The following FIP1L1 variants were observed in gnomAD, a reference collection of about 807,000 sequenced individuals.
FIP1L1 encodes factor interacting with PAPOLA and CPSF1.
FIP1L1 carries 21 observed loss-of-function variants against 84.6 expected under a neutral mutation model. That is an observed-to-expected ratio of 0.25 (90% confidence interval 0.18 to 0.36). FIP1L1 has a LOEUF of 0.36. FIP1L1 is among the 10% of genes least tolerant of loss of function. The pLI is 1.00. For missense variants in FIP1L1, 526 were observed against 751.1 expected (o/e 0.70, Z 3.50); for synonymous variants, 263 against 242.3 (o/e 1.09, Z -0.80).
chr4:53,403,196 ATT>A (rs1169695050), intron 10 of FIP1L1, among the ~76,000 whole-genome samples: 1 of 152,056 alleles, frequency 6.6e-6, no homozygotes, highest in African/African-American at 2.4e-5. Context: ...GAATTACAGT[ATT>A]TTTATATGCT....
At chr4:53,440,801 A>G (rs1281199674) in intron 13 of FIP1L1, 2 of 532,284 alleles carry the variant, frequency 3.8e-6, no homozygotes, top group Admixed American at 7.0e-5. Context: ...TACCTGTCTT[A>G]CCCGTTTCTG....
At chr4:53,383,920 A>G in intron 5 of FIP1L1, 44 bp downstream of exon 5, 1 of 1,563,158 alleles carries the variant, frequency 6.4e-7, no homozygotes, top group African/African-American at 1.4e-5. Context: ...AATGCTATAT[A>G]GTAAGGAGAG....
intron 11 of FIP1L1, among the ~76,000 whole-genome samples, chr4:53,417,759 ACACACTCTCTCTCTCTCT>A (rs1274362557): frequency 0.031 from 1,696 of 54,136 alleles, 61 homozygotes; most frequent in Admixed American, 0.12. Flanking sequence ...ACACACACAC[ACACACTCTCTCTCTCTCT>A]CTCTCTCTCT....
intron 13 of FIP1L1, among the ~76,000 whole-genome samples, chr4:53,437,853 G>T (rs1385371058): frequency 2.0e-5 from 3 of 152,034 alleles, no homozygotes; most frequent in Non-Finnish European, 2.9e-5. Context: ...AGCCTCCTGA[G>T]TAGCTGGGAC....
chr4:53,388,111 A>T (rs896812614), intron 5 of FIP1L1, among the ~76,000 whole-genome samples: 2 of 152,168 alleles, frequency 1.3e-5, no homozygotes, highest in Non-Finnish European at 2.9e-5. Flanking sequence ...TTGAATTTAC[A>T]TTTTTCTTTT....
intron 16 of FIP1L1, among the ~76,000 whole-genome samples, chr4:53,455,940 A>G (rs10013573): frequency 0.8 from 120,996 of 152,044 alleles, 48,246 homozygotes; most frequent in Middle Eastern, 0.86. Flanking sequence ...ACTATGACAC[A>G]TGCGTGTGTG....
intron 13 of FIP1L1, among the ~76,000 whole-genome samples, chr4:53,434,942 A>G (rs1446864958): frequency 6.6e-6 from 1 of 152,150 alleles, no homozygotes; most frequent in Non-Finnish European, 1.5e-5. Context: ...CCTTTAATTG[A>G]GAAACTAGTT....
Position 53,395,360 on chromosome 4 carries a change from C to G in FIP1L1, c.705+3862C>G, listed in dbSNP as rs375163145. ...CCATTTTCCTAATATCTTCTCTGACCCCACCTCTCTCTTTCTCTTTTAATG... is the reference window on the plus strand; with the variant it reads ...CCATTTTCCTAATATCTTCTCTGACGCCACCTCTCTCTTTCTCTTTTAATG... On this transcript the variant is annotated intron_variant, in intron 9 of 17. Coordinates refer to ENST00000337488, the MANE Select transcript of FIP1L1 (RefSeq NM_030917.4). Among the ~76,000 whole-genome samples, 112 of 152,062 alleles carry G rather than the reference C, an allele frequency of 7.4e-4. 4 individuals carry two copies. The South Asian group carries it at 0.022, about 31-fold the overall frequency.
At position 53,430,242 on chromosome 4, in the gene FIP1L1, A is replaced by T. The variant is rs369863254; in HGVS notation, c.1174+2059A>T. On this transcript the variant is annotated intron_variant, in intron 13 of 17. Coordinates refer to ENST00000337488, the MANE Select transcript of FIP1L1 (RefSeq NM_030917.4). ...ACAACAAATACTTAGCTGGTATAAG[A>T]ATATTCGAAACTCCGTAGAATATTG... is the stretch of plus-strand genomic sequence containing the variant. 9.3e-4 allele frequency among the ~76,000 whole-genome samples: 142 copies of T among 152,292 alleles called. 2 individuals carry two copies. In the South Asian group the frequency reaches 0.028, roughly 30 times the overall value.
Position 53,428,054 on chromosome 4 carries a change from G to A in FIP1L1, c.1045G>A (p.Val349Ile). 6.2e-7 allele frequency: 1 copy of A among 1,609,668 alleles called. No homozygotes were observed. The highest frequency in any genetic ancestry group is 8.5e-7 in the Non-Finnish European group (1 of 1,176,932). Residue 349 changes from valine (V) to isoleucine (I), a missense_variant, in exon 13 of 18, where the codon GTA becomes ATA. Around this residue, in one of 6 missense-constraint regions of FIP1L1, gnomAD observed 80 missense variants for 151.1 expected, o/e 0.53. Transcript: ENST00000337488. ...CCTTTCTGAAAGATCTGCTACTGAA[G>A]TAGACAACAATTTTAGCAAACCACC... is the stretch of plus-strand genomic sequence containing the variant. ...QVLSERSATE[V>I]DNNFSKPPPF...
chr4:53,446,913 C>T (rs1362832202), intron 15 of FIP1L1, among the ~76,000 whole-genome samples: 3 of 151,962 alleles, frequency 2.0e-5, no homozygotes, highest in Admixed American at 6.6e-5. Flanking sequence ...TCTTTCCTGC[C>T]CCCAACTCTT....
Position 53,417,301 on chromosome 4 carries a change from A to G in FIP1L1, c.923+2579A>G, listed in dbSNP as rs570928451. ...AATTAGTCTCAAGAATATATGTGGAAGGAAATTTGAAGCTGTATTTTCATT... is the reference window on the plus strand; with the variant it reads ...AATTAGTCTCAAGAATATATGTGGAGGGAAATTTGAAGCTGTATTTTCATT... On this transcript the variant is annotated intron_variant, in intron 11 of 17. Coordinates refer to ENST00000337488, the MANE Select transcript of FIP1L1 (RefSeq NM_030917.4). Among the ~76,000 whole-genome samples the G allele has an allele frequency of 2.7e-3, 413 of 152,302 alleles. 5 individuals are homozygous for G. Among genetic ancestry groups the G allele is most frequent in the Middle Eastern group, 3.4e-3 (1 of 294 alleles).
intron 11 of FIP1L1, among the ~76,000 whole-genome samples, chr4:53,421,642 A>G (rs572856896): frequency 4.6e-5 from 7 of 152,322 alleles, no homozygotes; most frequent in African/African-American, 1.7e-4. Flanking sequence ...TAGCAAATGG[A>G]CCTTTGAACT....
intron 4 of FIP1L1, 107 bp downstream of exon 4, chr4:53,382,442 G>C: frequency 1.2e-6 from 1 of 806,654 alleles, no homozygotes; most frequent in South Asian, 1.6e-5. Context: ...AGTATCAGGT[G>C]TTATCTGGCC....
chr4:53,450,374 G>A (rs1442401740), intron 15 of FIP1L1, among the ~76,000 whole-genome samples: 5 of 152,162 alleles, frequency 3.3e-5, no homozygotes, highest in East Asian at 3.8e-4. Flanking sequence ...CTTAAATTGC[G>A]TGGTGGTCAG....
chr4:53,407,571 C>CT (rs1301262130), intron 10 of FIP1L1, among the ~76,000 whole-genome samples: 2 of 147,168 alleles, frequency 1.4e-5, no homozygotes, highest in African/African-American at 5.0e-5. Flanking sequence ...TCCTTGTTAA[C>CT]TTTCTGTCTC....
At chr4:53,456,852 G>T (rs1482805163) in intron 16 of FIP1L1, among the ~76,000 whole-genome samples, 1 of 151,982 alleles carries the variant, frequency 6.6e-6, no homozygotes, top group Non-Finnish European at 1.5e-5. Flanking sequence ...GAATCTAAAG[G>T]CTCCAGGTTC....
At chr4:53,414,120 A>G (rs1030468418) in intron 10 of FIP1L1, among the ~76,000 whole-genome samples, 2 of 152,162 alleles carry the variant, frequency 1.3e-5, no homozygotes, top group African/African-American at 4.8e-5. Context: ...TGAAAGAGTT[A>G]TTTTGAAAGG....
At chr4:53,427,874 C>T (rs535526929) in intron 12 of FIP1L1, among the ~76,000 whole-genome samples, 153 bp from the exon 13 acceptor site, 52 of 152,258 alleles carry the variant, frequency 3.4e-4, no homozygotes, top group African/African-American at 1.2e-3. Flanking sequence ...ACACATATCA[C>T]ACATGTAGAA....
Sources: gnomAD v4.1 joint callset for allele counts (sites outside exome capture counted in the v4.1 genomes callset) on GRCh38, gnomAD v4.1.1 for gene constraint, gnomAD v4.1.1 regional missense constraint, MANE v1.5 for transcripts, NCBI Gene and HGNC (gene_info 2026-07-23, HGNC 2026-07-21) for gene names.